The following C3orf70 variants were observed in gnomAD, a reference collection of about 807,000 sequenced individuals.
C3orf70 encodes the protein UPF0524 protein C3orf70.
A neutral mutation model predicts 20.7 loss-of-function variants in C3orf70; 15 were observed. The observed-to-expected ratio is 0.72, with a 90% confidence interval of 0.48 to 1.11. C3orf70 has a LOEUF of 1.11. Ranked by LOEUF, C3orf70 falls within the 50% of genes most tolerant of loss-of-function variation. C3orf70 has a pLI of 0.00. For synonymous variants in C3orf70, 161 were observed against 125.7 expected, an observed-to-expected ratio of 1.28 and a Z score of -1.88; for missense variants, 332 against 317.6, an observed-to-expected ratio of 1.05 and a Z score of -0.34.
intron 1 of C3orf70, among the ~76,000 whole-genome samples, chr3:185,138,188 T>C (rs1716665837): frequency 6.6e-6 from 1 of 152,112 alleles, no homozygotes; most frequent in Non-Finnish European, 1.5e-5. Context: ...ATGATCTACA[T>C]TCATTCCTTG....
At chr3:185,116,608 T>C (rs539323358) in intron 1 of C3orf70, among the ~76,000 whole-genome samples, 18 of 152,298 alleles carry the variant, frequency 1.2e-4, no homozygotes, top group African/African-American at 4.3e-4. Context: ...CATTACCAAA[T>C]GTCCCCTGGG....
chr3:185,145,367 G>C (rs990188715), intron 1 of C3orf70, among the ~76,000 whole-genome samples: 7 of 152,334 alleles, frequency 4.6e-5, no homozygotes, highest in African/African-American at 1.7e-4. Context: ...GCCAGTCAGA[G>C]ATTAGCTGAG....
At chr3:185,088,206 C>T (rs1038898541) in intron 1 of C3orf70, among the ~76,000 whole-genome samples, 7 of 152,104 alleles carry the variant, frequency 4.6e-5, no homozygotes, top group East Asian at 1.9e-4. Context: ...CCACTGTGCC[C>T]GGCTATACTT....
intron 1 of C3orf70, among the ~76,000 whole-genome samples, chr3:185,101,668 C>T (rs911318092): frequency 1.3e-5 from 2 of 152,062 alleles, no homozygotes; most frequent in Non-Finnish European, 2.9e-5. Context: ...TGCTATACAC[C>T]TTCAAACAGC....
At chr3:185,113,592 A>G (rs969647556) in intron 1 of C3orf70, among the ~76,000 whole-genome samples, 3 of 152,242 alleles carry the variant, frequency 2.0e-5, no homozygotes, top group Non-Finnish European at 4.4e-5. Flanking sequence ...AAATAATCCT[A>G]TTCATTAGTC....
At chr3:185,146,930 A>G (rs903953551) in intron 1 of C3orf70, among the ~76,000 whole-genome samples, 2 of 152,234 alleles carry the variant, frequency 1.3e-5, no homozygotes, top group African/African-American at 2.4e-5. Flanking sequence ...CCCTACAGAA[A>G]ATCTATAAAC....
At chr3:185,146,429 A>C (rs766187926) in intron 1 of C3orf70, among the ~76,000 whole-genome samples, 1 of 152,010 alleles carries the variant, frequency 6.6e-6, no homozygotes, top group Non-Finnish European at 1.5e-5. Context: ...CTGGGATTAC[A>C]GGAATGTGCC....
intron 1 of C3orf70, among the ~76,000 whole-genome samples, chr3:185,089,329 C>A (rs927336853): frequency 9.2e-5 from 14 of 152,048 alleles, no homozygotes; most frequent in African/African-American, 3.4e-4. Context: ...CTGTTACTAT[C>A]ATTTATTTTG....
chr3:185,113,220 A>G (rs9855446), intron 1 of C3orf70, among the ~76,000 whole-genome samples: 7,642 of 151,232 alleles, frequency 0.051, 643 homozygotes, highest in African/African-American at 0.18. Flanking sequence ...TGAGGCGGGC[A>G]GATCATGAGG....
At chr3:185,117,232 TG>T (rs763507339) in intron 1 of C3orf70, among the ~76,000 whole-genome samples, 2 of 152,220 alleles carry the variant, frequency 1.3e-5, no homozygotes, top group Admixed American at 1.3e-4. Context: ...ATTTCCCAAT[TG>T]TTTTTTTTCT....
chr3:185,094,074 G>GTTTTTTTTTT (rs71162282), intron 1 of C3orf70, among the ~76,000 whole-genome samples: 8 of 80,650 alleles, frequency 9.9e-5, no homozygotes, highest in African/African-American at 1.5e-4. Context: ...ATACCCTGGG[G>GTTTTTTTTTT]TTTTTTTTTT....
intron 1 of C3orf70, among the ~76,000 whole-genome samples, chr3:185,105,460 A>G (rs1389814378): frequency 6.6e-6 from 1 of 152,196 alleles, no homozygotes; most frequent in African/African-American, 2.4e-5. Flanking sequence ...AACTAGCCCA[A>G]CCTATTCCTT....
intron 1 of C3orf70, among the ~76,000 whole-genome samples, chr3:185,134,777 T>A (rs1716589258): frequency 6.6e-6 from 1 of 152,064 alleles, no homozygotes; most frequent in African/African-American, 2.4e-5. Context: ...AAAAGGTACC[T>A]CAATACTCTA....
chr3:185,116,372 T>C (rs1373741486), intron 1 of C3orf70, among the ~76,000 whole-genome samples: 1 of 151,968 alleles, frequency 6.6e-6, no homozygotes, highest in Non-Finnish European at 1.5e-5. Flanking sequence ...AATATTATAG[T>C]ACAGATAGAA....
At chr3:185,131,665 A>G (rs561723271) in intron 1 of C3orf70, among the ~76,000 whole-genome samples, 71 of 152,350 alleles carry the variant, frequency 4.7e-4, no homozygotes, top group African/African-American at 1.7e-3. Context: ...TACATTGATG[A>G]ACTGACAAAA....
chr3:185,100,852 C>T (rs56378920), intron 1 of C3orf70, among the ~76,000 whole-genome samples: 5,870 of 151,734 alleles, frequency 0.039, 337 homozygotes, highest in African/African-American at 0.13. Context: ...TGGCAAAGGG[C>T]ATATTACAAA....
intron 1 of C3orf70, among the ~76,000 whole-genome samples, chr3:185,149,087 A>C (rs1716931708): frequency 6.6e-6 from 1 of 152,206 alleles, no homozygotes; most frequent in African/African-American, 2.4e-5. Flanking sequence ...ATTTTAAAAG[A>C]ATTACAAAAG....
At chr3:185,085,164 C>A (rs767180889) in intron 1 of C3orf70, among the ~76,000 whole-genome samples, 1 of 152,084 alleles carries the variant, frequency 6.6e-6, no homozygotes, top group South Asian at 2.1e-4. Flanking sequence ...TTTTTGCAGG[C>A]GAATTACTCA....
chr3:185,109,716 G>C (rs1379693412), intron 1 of C3orf70, among the ~76,000 whole-genome samples: 2 of 152,078 alleles, frequency 1.3e-5, no homozygotes, highest in African/African-American at 4.8e-5. Context: ...TATCCATTTT[G>C]GCTGGCAATA....
Sources: gnomAD v4.1 joint callset for allele counts (sites outside exome capture counted in the v4.1 genomes callset) on GRCh38, gnomAD v4.1.1 for gene constraint, MANE v1.5 for transcripts, NCBI Gene and HGNC (gene_info 2026-07-23, HGNC 2026-07-21) for gene names.